HMGB1: variants seen among roughly 807,000 people sequenced by gnomAD.
The protein encoded by HMGB1 is high mobility group protein B1.
For synonymous variants in HMGB1, 81 were observed against 84.0 expected (o/e 0.96, Z 0.19); for missense variants, 79 against 253.5 (o/e 0.31, Z 4.67).
chr13:30,519,567 G>C (rs935258032), intron 1 of HMGB1, among the ~76,000 whole-genome samples: 1 of 151,178 alleles, frequency 6.6e-6, no homozygotes, highest in Admixed American at 6.6e-5. Flanking sequence ...AGGCGTGGTG[G>C]CGGGCGCCTG....
intron 1 of HMGB1, among the ~76,000 whole-genome samples, chr13:30,532,096 T>C (rs1297916195): frequency 2.0e-5 from 3 of 151,926 alleles, no homozygotes; most frequent in Non-Finnish European, 4.4e-5. Flanking sequence ...CCCAGCACTT[T>C]GGGAGGCCGA....
At chr13:30,469,682 G>A (rs555319553), upstream of HMGB1, among the ~76,000 whole-genome samples, 191 of 57,822 alleles carry the variant, frequency 3.3e-3, 60 homozygotes, top group Non-Finnish European at 9.2e-3. Flanking sequence ...CCAGGCTGGA[G>A]TGCAGTGGCA....
chr13:30,588,574 C>G (rs1459885274), intron 1 of HMGB1, among the ~76,000 whole-genome samples: 2 of 152,166 alleles, frequency 1.3e-5, no homozygotes, highest in Non-Finnish European at 2.9e-5. Flanking sequence ...CACAAAAGAT[C>G]TTAAAGTTGA....
intron 1 of HMGB1, among the ~76,000 whole-genome samples, chr13:30,553,356 T>C (rs1184975145): frequency 6.6e-6 from 1 of 152,220 alleles, no homozygotes; most frequent in Non-Finnish European, 1.5e-5. Context: ...CGTAAAAGAC[T>C]GGTGGCTTGG....
intron 1 of HMGB1, among the ~76,000 whole-genome samples, chr13:30,561,005 T>G (rs1869928325): frequency 6.7e-6 from 1 of 148,766 alleles, no homozygotes; most frequent in African/African-American, 2.5e-5. Flanking sequence ...GAAAGAAGAG[T>G]CAGATGAGGA....
At chr13:30,563,654 C>T (rs1208064424) in intron 1 of HMGB1, among the ~76,000 whole-genome samples, 1 of 152,172 alleles carries the variant, frequency 6.6e-6, no homozygotes. Context: ...CCATTTCTTT[C>T]TTTTGGTACA....
intron 1 of HMGB1, among the ~76,000 whole-genome samples, chr13:30,583,768 G>T (rs1871011756): frequency 6.7e-6 from 1 of 150,180 alleles, no homozygotes; most frequent in Non-Finnish European, 1.5e-5. Flanking sequence ...GAACCCGGGA[G>T]GCGAAGGTTG....
At chr13:30,573,653 T>TTC (rs1870526416) in intron 1 of HMGB1, among the ~76,000 whole-genome samples, 1 of 149,002 alleles carries the variant, frequency 6.7e-6, no homozygotes, top group African/African-American at 2.5e-5. Context: ...GCATTTTCTT[T>TTC]TTTTTTTTTT....
At chr13:30,534,871 C>T (rs1310001458) in intron 1 of HMGB1, among the ~76,000 whole-genome samples, 1 of 152,122 alleles carries the variant, frequency 6.6e-6, no homozygotes, top group Admixed American at 6.5e-5. Context: ...GCCACCATGC[C>T]CAGCCAGTTC....
chr13:30,573,735 C>T (rs1270808858), intron 1 of HMGB1, among the ~76,000 whole-genome samples: 5 of 151,576 alleles, frequency 3.3e-5, no homozygotes, highest in Non-Finnish European at 7.4e-5. Context: ...ACTGCAGCCT[C>T]AACTTTATGG....
chr13:30,514,799 A>G (rs59903983), intron 1 of HMGB1, among the ~76,000 whole-genome samples: 29,809 of 151,942 alleles, frequency 0.2, 4,301 homozygotes, highest in African/African-American at 0.41. Flanking sequence ...CACAATGCCT[A>G]ACTATCATCT....
At chr13:30,496,480 C>A (rs1593275470) in intron 1 of HMGB1, among the ~76,000 whole-genome samples, 1 of 152,294 alleles carries the variant, frequency 6.6e-6, no homozygotes, top group South Asian at 2.1e-4. Context: ...AACACACACA[C>A]CCAGGAAATG....
chr13:30,508,445 G>A (rs574862407), intron 1 of HMGB1, among the ~76,000 whole-genome samples: 2 of 152,244 alleles, frequency 1.3e-5, no homozygotes, highest in South Asian at 4.1e-4. Flanking sequence ...CTGGGAGGCA[G>A]AGGTTGCAGT....
At chr13:30,487,002 G>C (rs983052705) in intron 1 of HMGB1, among the ~76,000 whole-genome samples, 6 of 152,022 alleles carry the variant, frequency 3.9e-5, no homozygotes, top group Non-Finnish European at 8.8e-5. Flanking sequence ...ATTTCCTCTG[G>C]GTCATTTTAT....
chr13:30,536,638 C>A (rs1312011103), intron 1 of HMGB1, among the ~76,000 whole-genome samples: 2 of 152,200 alleles, frequency 1.3e-5, no homozygotes, highest in Non-Finnish European at 2.9e-5. Context: ...GCGTGAGCCA[C>A]CATGCCCGGC....
At chr13:30,464,350 C>T (rs983038169) in intron 1 of HMGB1, 9 of 985,308 alleles carry the variant, frequency 9.1e-6, no homozygotes, top group African/African-American at 1.7e-5. Context: ...TCTGAAGTTT[C>T]TCCGAGTAAA....
intron 1 of HMGB1, among the ~76,000 whole-genome samples, chr13:30,593,740 T>C (rs1871475999): frequency 6.6e-6 from 1 of 152,180 alleles, no homozygotes; most frequent in African/African-American, 2.4e-5. Context: ...AAAAGATATC[T>C]ACAACCCGAG....
intron 1 of HMGB1, among the ~76,000 whole-genome samples, chr13:30,509,882 G>C (rs1167293529): frequency 6.6e-6 from 1 of 152,148 alleles, no homozygotes; most frequent in African/African-American, 2.4e-5. Flanking sequence ...TCTTAACCAA[G>C]ATCTCTGGAG....
rs757164276 is a variant in HMGB1 at position 30,463,708 on chromosome 13, T to C, written c.-14-14A>G. ...TTAGTTATTTTTCTAAAAAATAAAA[T>C]AAATATTTGATGTTAGCAATAAAAT... On this transcript the variant is annotated splice_polypyrimidine_tract_variant and intron_variant, in intron 1 of 4. Coordinates refer to ENST00000341423, the MANE Select transcript of HMGB1 (RefSeq NM_002128.7). 1.1e-5 allele frequency: 17 copies of C among 1,495,410 alleles called. No homozygotes were observed. The Admixed American group carries it at 2.8e-4, about 25-fold the overall frequency. 92.6% of individuals were successfully genotyped at this position (1,495,410 alleles called of 1,614,324 possible).
Sources: gnomAD v4.1 joint callset for allele counts (sites outside exome capture counted in the v4.1 genomes callset) on GRCh38, gnomAD v4.1.1 for gene constraint, MANE v1.5 for transcripts, NCBI Gene and HGNC (gene_info 2026-07-23, HGNC 2026-07-21) for gene names.